Variants in UACA observed in about 807,000 individuals in gnomAD.
UACA encodes uveal autoantigen with coiled-coil domains and ankyrin repeats.
Under a neutral mutation model 160.5 loss-of-function variants are expected in UACA, and 112 were observed. That is an observed-to-expected ratio of 0.70 (90% confidence interval 0.60 to 0.82). The LOEUF (loss-of-function observed/expected upper bound fraction) is 0.82. UACA is among the 40% of genes least tolerant of loss of function. The pLI, the probability that UACA is intolerant of heterozygous loss-of-function variation, is 0.00. For missense variants in UACA, 1,574 were observed against 1,614.6 expected (o/e 0.97, Z 0.43); for synonymous variants, 557 against 568.4 (o/e 0.98, Z 0.29).
intron 1 of UACA, among the ~76,000 whole-genome samples, chr15:70,718,552 A>C (rs1898896409): frequency 6.6e-6 from 1 of 152,144 alleles, no homozygotes; most frequent in South Asian, 2.1e-4. Flanking sequence ...ATATCTTACG[A>C]GGCCTGTTCC....
At chr15:70,761,105 G>A (rs1255975282) in intron 1 of UACA, among the ~76,000 whole-genome samples, 1 of 152,024 alleles carries the variant, frequency 6.6e-6, no homozygotes, top group Non-Finnish European at 1.5e-5. Context: ...TGAATGGGGA[G>A]CCTCTATTTA....
chr15:70,757,486 C>T (rs1038508798), intron 1 of UACA, among the ~76,000 whole-genome samples: 1 of 152,120 alleles, frequency 6.6e-6, no homozygotes, highest in Non-Finnish European at 1.5e-5. Flanking sequence ...TTAGCTGGGA[C>T]AGAATACATG....
upstream of UACA, chr15:70,768,037 G>A (rs922096234): frequency 6.6e-6 from 1 of 152,192 alleles, no homozygotes; most frequent in Non-Finnish European, 1.5e-5. Context: ...TGTATTTTTA[G>A]TAAGCTCACC....
chr15:70,758,713 T>C (rs965961226), intron 1 of UACA: 3 of 152,222 alleles, frequency 2.0e-5, no homozygotes, highest in Admixed American at 1.3e-4. Context: ...GAAATACCAG[T>C]ATTTTTTCGC....
At chr15:70,759,507 G>C (rs1381630046) in intron 1 of UACA, among the ~76,000 whole-genome samples, 1 of 152,136 alleles carries the variant, frequency 6.6e-6, no homozygotes, top group African/African-American at 2.4e-5. Context: ...AATACAAAAT[G>C]AGCCGGGCAT....
Position 70,676,563 on chromosome 15 carries a change from G to A in UACA, c.1061C>T (p.Ala354Val). 6.2e-7 allele frequency: 1 copy of A among 1,612,498 alleles called. No homozygotes were observed. The highest frequency in any genetic ancestry group is 1.7e-5 in the Admixed American group (1 of 59,998). Residue 354 changes from alanine to valine, a missense_variant, in exon 13 of 19, where the codon GCT (alanine) becomes GTT (valine). By Grantham distance (64) the Ala-to-Val change is moderately conservative. Coordinates refer to ENST00000322954, the MANE Select transcript of UACA (RefSeq NM_018003.4). ...GCTTTCTTCATGTTGCTTTTCTTTA[G>A]CTGCCAAAAGGGACTTCAGCTTTTC... Reference protein sequence around the residue: ...EREKLKSLLAAKEKQHEESLR... With the variant: ...EREKLKSLLAVKEKQHEESLR...
At chr15:70,710,856 T>C (rs1898663179) in intron 1 of UACA, among the ~76,000 whole-genome samples, 1 of 152,204 alleles carries the variant, frequency 6.6e-6, no homozygotes, top group Admixed American at 6.5e-5. Flanking sequence ...ACCCTGTCCT[T>C]TTGGGGCTTT....
chr15:70,672,655 C>T (rs946198423), intron 13 of UACA, among the ~76,000 whole-genome samples: 2 of 152,116 alleles, frequency 1.3e-5, no homozygotes, highest in African/African-American at 4.8e-5. Context: ...AATTAAAATA[C>T]TACACTTCAA....
At chr15:70,686,090 C>CA (rs1308185991) in intron 7 of UACA, among the ~76,000 whole-genome samples, 1 of 150,744 alleles carries the variant, frequency 6.6e-6, no homozygotes, top group Admixed American at 6.6e-5. Context: ...ATAGTATCCA[C>CA]AAAAACAAAG....
chr15:70,718,758 T>C (rs1212707219), intron 1 of UACA, among the ~76,000 whole-genome samples: 1 of 152,128 alleles, frequency 6.6e-6, no homozygotes, highest in Non-Finnish European at 1.5e-5. Flanking sequence ...AGTGGGGTGC[T>C]ACCTTAACAA....
At chr15:70,694,364 A>G (rs369151370) in intron 3 of UACA, among the ~76,000 whole-genome samples, 5 of 152,196 alleles carry the variant, frequency 3.3e-5, no homozygotes, top group East Asian at 1.9e-4. Context: ...TGTAAGCAGA[A>G]AACTGAGTTA....
intron 2 of UACA, among the ~76,000 whole-genome samples, chr15:70,699,306 A>T (rs1006020403): frequency 3.3e-5 from 5 of 152,278 alleles, no homozygotes; most frequent in African/African-American, 1.2e-4. Context: ...CACTGGGCCT[A>T]AACAATTCTA....
At chr15:70,709,313 C>A (rs1248884696) in intron 1 of UACA, among the ~76,000 whole-genome samples, 1 of 152,134 alleles carries the variant, frequency 6.6e-6, no homozygotes, top group Non-Finnish European at 1.5e-5. Context: ...GCCAAAGTAT[C>A]TATGGTAAAA....
rs139079427 is a variant in UACA at position 70,741,223 on chromosome 15, A to T, written c.78+22107T>A. On this transcript the variant is annotated intron_variant, in intron 1 of 18. Transcript: ENST00000322954. ...CAGTCCAGCAGGAACTGCACTTAAC[A>T]GCAGGCAAATAACACAGCAGGCTGA... Among the ~76,000 whole-genome samples, 18 of 152,308 alleles carry T rather than the reference A, an allele frequency of 1.2e-4. No individual in the cohort carries two copies. The East Asian group carries it at 3.5e-3, about 29-fold the overall frequency.
At chr15:70,675,864 C>G (rs1897289626) in intron 13 of UACA, among the ~76,000 whole-genome samples, 2 of 152,142 alleles carry the variant, frequency 1.3e-5, no homozygotes. Context: ...CCTTTTTGCC[C>G]TTTCGCCTTC....
intron 1 of UACA, among the ~76,000 whole-genome samples, chr15:70,757,448 A>G (rs911823362): frequency 1.3e-5 from 2 of 152,206 alleles, no homozygotes; most frequent in Non-Finnish European, 2.9e-5. Flanking sequence ...GTTATGATAT[A>G]CTAACTCTAT....
chr15:70,699,554 C>A lies in UACA; in HGVS notation c.185G>T (p.Gly62Val), dbSNP rs1163448229. Residue 62 changes from glycine (G) to valine (V), a missense_variant, in exon 2 of 19, where the codon GGC (glycine) becomes GTC (valine). Coordinates refer to ENST00000322954, the MANE Select transcript of UACA (RefSeq NM_018003.4). ...AGATCTGCCTTCCACATCTAGTTTG[C>A]CTGGATTGACCCCCTTTTTAGCAAG... Reference protein sequence around the residue: ...SILAKKGVNPGKLDVEGRSVF... With the variant: ...SILAKKGVNPVKLDVEGRSVF... 3.7e-6 allele frequency: 6 copies of A among 1,610,408 alleles called. No individual in the cohort carries two copies. The highest frequency in any genetic ancestry group is 5.1e-6 in the Non-Finnish European group (6 of 1,179,186).
intron 18 of UACA, among the ~76,000 whole-genome samples, chr15:70,659,391 G>GTTTTTTTTTTTTT (rs1375150038): frequency 8.0e-4 from 8 of 9,958 alleles, no homozygotes; most frequent in African/African-American, 1.3e-3. Flanking sequence ...TTCATTTTTT[G>GTTTTTTTTTTTTT]TTTGTTTTTT....
chr15:70,667,748 T>G lies in UACA; in HGVS notation c.2936A>C (p.Glu979Ala). Residue 979 changes from glutamate to alanine, a missense_variant, in exon 16 of 19, where the codon GAA becomes GCA. Coordinates refer to ENST00000322954, the MANE Select transcript of UACA (RefSeq NM_018003.4). ...AQKKELDTIQ[E>A]CIKVKYAPIV... Reference sequence around the variant, plus strand: ...TGGGGCGTATTTTACCTTAATGCATTCTTGTATTGTGTCGAGCTCCTTCTT... The same window carrying G: ...TGGGGCGTATTTTACCTTAATGCATGCTTGTATTGTGTCGAGCTCCTTCTT... 7 of 1,614,074 alleles carry G rather than the reference T, an allele frequency of 4.3e-6. No homozygotes were observed. Among genetic ancestry groups the G allele is most frequent in the Non-Finnish European group, 5.9e-6 (7 of 1,179,990 alleles).
Sources: gnomAD v4.1 joint callset for allele counts (sites outside exome capture counted in the v4.1 genomes callset) on GRCh38, gnomAD v4.1.1 for gene constraint, MANE v1.5 for transcripts, NCBI Gene and HGNC (gene_info 2026-07-23, HGNC 2026-07-21) for gene names.